Variants in ATP13A4 observed in about 807,000 individuals in gnomAD.
The protein encoded by ATP13A4 is ATPase 13A4.
Under a neutral mutation model 142.5 loss-of-function variants are expected in ATP13A4, and 114 were observed. The observed-to-expected ratio is 0.80, with a 90% CI of 0.69 to 0.93. The LOEUF (loss-of-function observed/expected upper bound fraction) is 0.93. ATP13A4 is among the 40% of genes least tolerant of loss of function. ATP13A4 has a pLI of 0.00. For missense variants in ATP13A4, 1,392 were observed against 1,454.0 expected, an observed-to-expected ratio of 0.96 and a Z score of 0.69; for synonymous variants, 488 against 514.8, an observed-to-expected ratio of 0.95 and a Z score of 0.70.
chr3:193,399,656 G>A lies in ATP13A4; in HGVS notation c.*2996C>T, dbSNP rs748362953. 5.3e-4 allele frequency among the ~76,000 whole-genome samples: 81 copies of A among 151,970 alleles called. No individual in the cohort carries two copies. The highest frequency in any genetic ancestry group is 9.3e-4 in the Non-Finnish European group (63 of 67,986). On this transcript the variant is annotated 3_prime_UTR_variant, in exon 30 of 30. Transcript: ENST00000342695. ...GAGGTCAGGAGATTGAAACCACCCT[G>A]GCTAACATGATGAAACCCCATCTCT...
chr3:193,517,880 C>A (rs760512820), intron 1 of ATP13A4, among the ~76,000 whole-genome samples: 2 of 152,168 alleles, frequency 1.3e-5, no homozygotes, highest in African/African-American at 4.8e-5. Context: ...CTTTGCCACT[C>A]TTAAATACTA....
intron 28 of ATP13A4, among the ~76,000 whole-genome samples, chr3:193,410,124 T>C (rs958796745): frequency 6.6e-6 from 1 of 152,220 alleles, no homozygotes; most frequent in African/African-American, 2.4e-5. Context: ...GGCTTGGATA[T>C]GTAAACTTTT....
chr3:193,500,531 A>C (rs1352880528), intron 3 of ATP13A4, among the ~76,000 whole-genome samples: 1 of 152,124 alleles, frequency 6.6e-6, no homozygotes, highest in East Asian at 1.9e-4. Flanking sequence ...CAATCATTAG[A>C]TTCTCATAAG....
At chr3:193,434,756 A>G (rs567864023) in intron 24 of ATP13A4, among the ~76,000 whole-genome samples, 3 of 152,306 alleles carry the variant, frequency 2.0e-5, no homozygotes, top group Admixed American at 6.5e-5. Context: ...TCACATGTTG[A>G]GTTCACAGAT....
chr3:193,451,597 G>A (rs1717283485), intron 17 of ATP13A4, among the ~76,000 whole-genome samples: 1 of 152,206 alleles, frequency 6.6e-6, no homozygotes, highest in South Asian at 2.1e-4. Flanking sequence ...TTCCTGCACA[G>A]ATATTATGCC....
At chr3:193,573,702 AAATCTCTCCTAGCTCAGCTGTGG>A (rs1369138896) in intron 2 of ATP13A4, among the ~76,000 whole-genome samples, 1 of 152,176 alleles carries the variant, frequency 6.6e-6, no homozygotes, top group Non-Finnish European at 1.5e-5. Context: ...CACACTTACC[AAATCTCTCCTAGCTCAGCTGTGG>A]AATTTTATCA....
chr3:193,552,329 G>C (rs952176014), intron 1 of ATP13A4, among the ~76,000 whole-genome samples: 1 of 152,188 alleles, frequency 6.6e-6, no homozygotes, highest in Non-Finnish European at 1.5e-5. Context: ...TTAGGCCTCA[G>C]AATATTCTTC....
intron 2 of ATP13A4, among the ~76,000 whole-genome samples, chr3:193,510,847 A>G (rs1721105596): frequency 6.6e-6 from 1 of 152,216 alleles, no homozygotes; most frequent in African/African-American, 2.4e-5. Flanking sequence ...AAGAACAGAT[A>G]TACAACACAT....
intron 2 of ATP13A4, 121 bp from the exon 3 acceptor site, chr3:193,502,760 A>G: frequency 9.3e-7 from 1 of 1,078,726 alleles, no homozygotes; most frequent in East Asian, 2.5e-5. Flanking sequence ...AATATTCTAG[A>G]CAGAACGGTT....
At chr3:193,563,230 C>T (rs970701915) in intron 2 of ATP13A4, among the ~76,000 whole-genome samples, 2 of 152,008 alleles carry the variant, frequency 1.3e-5, no homozygotes, top group African/African-American at 4.8e-5. Flanking sequence ...AAGATTATAC[C>T]TGGTTTACTG....
Position 193,412,089 on chromosome 3 carries a change from A to G in ATP13A4, c.3208+89T>C, listed in dbSNP as rs564295480. 3 of 1,181,174 alleles carry G rather than the reference A, an allele frequency of 2.5e-6. No homozygotes were observed. The African/African-American group carries it at 4.5e-5, about 18-fold the overall frequency. The allele number at this position is 1,181,174 out of a possible 1,614,324, so 73.2% of individuals were successfully genotyped here. A position where few individuals can be genotyped will look rare whatever the true frequency, so the allele number is the denominator to read the frequency against. On this transcript the variant is annotated intron_variant, in intron 27 of 29. Coordinates refer to ENST00000342695, the MANE Select transcript of ATP13A4 (RefSeq NM_032279.4). ...AGTCAAGAGATGCTAGATAAGAATCAACTCTAAAGCTGTTCCCTAAGTGAC... is the reference window on the plus strand; with the variant it reads ...AGTCAAGAGATGCTAGATAAGAATCGACTCTAAAGCTGTTCCCTAAGTGAC...
intron 18 of ATP13A4, 104 bp downstream of exon 18, chr3:193,448,102 T>C: frequency 2.0e-6 from 3 of 1,479,528 alleles, no homozygotes; most frequent in Admixed American, 3.5e-5. Flanking sequence ...CCTGGAATGA[T>C]GTCTGGCCCA....
chr3:193,437,698 T>C (rs978059833), intron 23 of ATP13A4, among the ~76,000 whole-genome samples: 1 of 151,968 alleles, frequency 6.6e-6, no homozygotes. Context: ...TCAGTTACAA[T>C]AACCAAGAGC....
intron 2 of ATP13A4, among the ~76,000 whole-genome samples, chr3:193,573,224 G>T (rs1185353890): frequency 2.2e-5 from 3 of 135,758 alleles, no homozygotes; most frequent in Non-Finnish European, 4.6e-5. Context: ...AAAACTTTAA[G>T]GAATACCACA....
At chr3:193,479,504 C>T (rs971359702) in intron 8 of ATP13A4, among the ~76,000 whole-genome samples, 4 of 152,028 alleles carry the variant, frequency 2.6e-5, no homozygotes, top group Non-Finnish European at 5.9e-5. Context: ...GTCAAGAACG[C>T]AACCTCTTTT....
intron 1 of ATP13A4, among the ~76,000 whole-genome samples, chr3:193,527,162 C>A (rs1359327608): frequency 6.6e-6 from 1 of 152,112 alleles, no homozygotes; most frequent in Non-Finnish European, 1.5e-5. Context: ...AATCCCTTTC[C>A]CCTGTGATGT....
chr3:193,480,296 A>T (rs1299752233), intron 8 of ATP13A4, among the ~76,000 whole-genome samples: 1 of 152,108 alleles, frequency 6.6e-6, no homozygotes, highest in Non-Finnish European at 1.5e-5. Flanking sequence ...TTAAACTGAA[A>T]AGCTTCTGCA....
At chr3:193,526,462 G>C (rs1269413683) in intron 1 of ATP13A4, among the ~76,000 whole-genome samples, 1 of 152,116 alleles carries the variant, frequency 6.6e-6, no homozygotes, top group Non-Finnish European at 1.5e-5. Context: ...GCAGGGTGGG[G>C]AGCAAGGGGA....
At chr3:193,580,815 C>G (rs2108746243) in intron 2 of ATP13A4, among the ~76,000 whole-genome samples, 1 of 152,186 alleles carries the variant, frequency 6.6e-6, no homozygotes, top group Non-Finnish European at 1.5e-5. Context: ...GGCATAGAAA[C>G]TTCAAAACAG....
Sources: allele counts gnomAD v4.1 joint callset (sites outside exome capture counted in the v4.1 genomes callset), GRCh38; gene constraint gnomAD v4.1.1; transcripts MANE v1.5; gene names NCBI Gene and HGNC (gene_info 2026-07-23, HGNC 2026-07-21).